OR1J2: variants seen among roughly 807,000 people sequenced by gnomAD.
OR1J2 encodes olfactory receptor family 1 subfamily J member 2, also known as olfactory receptor 1J2.
For synonymous variants in OR1J2, 142 were observed against 99.7 expected, an observed-to-expected ratio of 1.42 and a Z score of -2.52; for missense variants, 304 against 246.1, an observed-to-expected ratio of 1.24 and a Z score of -1.57.
chr9:122,523,446 T>C, the OR1J2 span, among the ~76,000 whole-genome samples: 1 of 152,250 alleles, frequency 6.6e-6, no homozygotes, highest in East Asian at 1.9e-4. Context: ...GTTTGTGTTT[T>C]CTAAAGATTA....
At chr9:122,568,047 A>G in the OR1J2 span, 1 of 1,613,984 alleles carries the variant, frequency 6.2e-7, no homozygotes, top group Non-Finnish European at 8.5e-7. Context: ...GGCCACCAGC[A>G]GGACACAGTG....
At chr9:122,482,335 A>G in the OR1J2 span, among the ~76,000 whole-genome samples, 4 of 152,168 alleles carry the variant, frequency 2.6e-5, no homozygotes, top group African/African-American at 7.2e-5. Context: ...CCTCACCCCA[A>G]ATAGAATGGT....
chr9:122,469,465 G>C, the OR1J2 span, among the ~76,000 whole-genome samples: 2 of 152,194 alleles, frequency 1.3e-5, no homozygotes, highest in African/African-American at 4.8e-5. Flanking sequence ...CAGTCATGGG[G>C]AACTGTAAGT....
At chr9:122,491,667 G>A in the OR1J2 span, among the ~76,000 whole-genome samples, 3 of 152,132 alleles carry the variant, frequency 2.0e-5, no homozygotes, top group Admixed American at 1.3e-4. Flanking sequence ...GACATGACTA[G>A]GAGCAATGCA....
upstream of OR1J2, among the ~76,000 whole-genome samples, chr9:122,506,583 G>T (rs553320655): frequency 2.0e-5 from 3 of 152,274 alleles, no homozygotes; most frequent in Non-Finnish European, 2.9e-5. Flanking sequence ...CCAAACATTG[G>T]ATCATAAATG....
chr9:122,456,730 T>C, the OR1J2 span, among the ~76,000 whole-genome samples: 5 of 152,296 alleles, frequency 3.3e-5, no homozygotes, highest in African/African-American at 1.2e-4. Context: ...CAACAGATGC[T>C]GATGAGGCTG....
downstream of OR1J2, among the ~76,000 whole-genome samples, chr9:122,514,229 A>G (rs1047975246): frequency 2.6e-5 from 4 of 152,158 alleles, no homozygotes; most frequent in African/African-American, 9.7e-5. Flanking sequence ...TGGGCTACAA[A>G]TGATATATCA....
the OR1J2 span, among the ~76,000 whole-genome samples, chr9:122,575,683 A>G: frequency 1.3e-4 from 20 of 152,330 alleles, no homozygotes; most frequent in Admixed American, 2.0e-4. Flanking sequence ...TATGAGATAC[A>G]TATAGAGAGT....
At chr9:122,459,946 T>G in the OR1J2 span, among the ~76,000 whole-genome samples, 1 of 152,178 alleles carries the variant, frequency 6.6e-6, no homozygotes, top group East Asian at 1.9e-4. Flanking sequence ...TGGCAAATAA[T>G]GGTAAAACCC....
the OR1J2 span, chr9:122,568,412 A>T: frequency 6.2e-7 from 1 of 1,613,554 alleles, no homozygotes; most frequent in Non-Finnish European, 8.5e-7. Context: ...TTTGGTCCTC[A>T]GGCCGGGAGG....
the OR1J2 span, among the ~76,000 whole-genome samples, chr9:122,504,526 A>G: frequency 6.6e-6 from 1 of 152,050 alleles, no homozygotes; most frequent in Admixed American, 6.6e-5. Flanking sequence ...GAAGAGGCCT[A>G]CCAAATGCTG....
At chr9:122,451,646 ATTTTC>A in the OR1J2 span, among the ~76,000 whole-genome samples, 1 of 152,122 alleles carries the variant, frequency 6.6e-6, no homozygotes, top group African/African-American at 2.4e-5. Context: ...TCTGGCAACC[ATTTTC>A]ATTTATTTTT....
At chr9:122,552,086 C>G in the OR1J2 span, among the ~76,000 whole-genome samples, 44,484 of 150,094 alleles carry the variant, frequency 0.3, 7,121 homozygotes, top group East Asian at 0.53. Flanking sequence ...CTCTCACACA[C>G]ACACACATAT....
the OR1J2 span, among the ~76,000 whole-genome samples, chr9:122,538,464 T>A: frequency 2.0e-5 from 3 of 152,062 alleles, no homozygotes; most frequent in Non-Finnish European, 4.4e-5. Flanking sequence ...TGCAACTGAT[T>A]TTTTGTGCTT....
At chr9:122,489,394 C>T in the OR1J2 span, among the ~76,000 whole-genome samples, 3 of 152,036 alleles carry the variant, frequency 2.0e-5, no homozygotes, top group Admixed American at 6.6e-5. Flanking sequence ...GTGGAGGATT[C>T]ACCACCAGAC....
At chr9:122,556,276 T>G in the OR1J2 span, among the ~76,000 whole-genome samples, 11 of 141,820 alleles carry the variant, frequency 7.8e-5, no homozygotes, top group Non-Finnish European at 1.1e-4. Context: ...TGTCTGTGTC[T>G]AGATTCTTTT....
downstream of OR1J2, among the ~76,000 whole-genome samples, chr9:122,512,134 A>T (rs544092867): frequency 2.0e-5 from 3 of 152,346 alleles, no homozygotes; most frequent in East Asian, 3.9e-4. Context: ...TCTCTAATGT[A>T]GACTGAGTGG....
chr9:122,477,715 A>T, the OR1J2 span: 3 of 1,613,960 alleles, frequency 1.9e-6, no homozygotes, highest in South Asian at 2.2e-5. Flanking sequence ...TGAAAAGGAG[A>T]TGTCAGTGAG....
chr9:122,476,858 A>G, the OR1J2 span: 1 of 614,336 alleles, frequency 1.6e-6, no homozygotes, highest in Non-Finnish European at 2.9e-6. Flanking sequence ...GGCATGCACC[A>G]CCATGCCCGG....
Sources: allele counts gnomAD v4.1 joint callset (sites outside exome capture counted in the v4.1 genomes callset), GRCh38; gene constraint gnomAD v4.1.1; transcripts MANE v1.5; gene names NCBI Gene and HGNC (gene_info 2026-07-23, HGNC 2026-07-21).